Variants in NAA40 observed in about 807,000 individuals in gnomAD.
NAA40 encodes N-alpha-acetyltransferase 40.
NAA40 carries 26 observed loss-of-function variants against 36.6 expected under a neutral mutation model. The ratio of observed to expected loss-of-function variants is 0.71; its 90% CI spans 0.52 to 0.98. The LOEUF (loss-of-function observed/expected upper bound fraction) is 0.98, where lower values mean the gene tolerates loss of function less well. NAA40 is among the 50% of genes least tolerant of loss of function. The pLI is 0.00. For missense variants in NAA40, 237 were observed against 306.5 expected (o/e 0.77, Z 1.69); for synonymous variants, 129 against 108.4 (o/e 1.19, Z -1.18).
chr11:63,948,927 C>A (rs373150209), intron 3 of NAA40, among the ~76,000 whole-genome samples: 7 of 152,114 alleles, frequency 4.6e-5, no homozygotes, highest in African/African-American at 1.4e-4. Context: ...TACCTGTAAT[C>A]CCAGCACTTT....
intron 2 of NAA40, 72 bp downstream of exon 2, chr11:63,946,007 C>T (rs1942180150): frequency 1.4e-6 from 2 of 1,407,564 alleles, no homozygotes; most frequent in East Asian, 2.3e-5. Context: ...CTTATTTTGT[C>T]TCCACCCTGT....
chr11:63,952,894 A>T, intron 6 of NAA40, 55 bp downstream of exon 6: 1 of 1,473,460 alleles, frequency 6.8e-7, no homozygotes, highest in African/African-American at 1.4e-5. Context: ...AGGAGCTGTC[A>T]CTGAGGCACT....
Position 63,939,045 on chromosome 11 carries a change from C to G in NAA40, c.-52C>G. 1 of 1,598,386 alleles carries G rather than the reference C, an allele frequency of 6.3e-7. No individual in the cohort carries two copies. The highest frequency in any genetic ancestry group is 1.1e-5 in the South Asian group (1 of 90,560). On this transcript the variant is annotated 5_prime_UTR_variant, in exon 1 of 8. Transcript: ENST00000377793. Reference sequence around the variant, plus strand: ...GCTGTTGCAGCCACCGCCGTTGCCGCCTCCCTGCCGGCAAGTGTGTGAAGA... The same window carrying G: ...GCTGTTGCAGCCACCGCCGTTGCCGGCTCCCTGCCGGCAAGTGTGTGAAGA...
In NAA40 at chr11:63,946,523, C is replaced by T. The variant is rs556388709; in HGVS notation, c.103-428C>T. 134 of 1,143,296 alleles carry T rather than the reference C, an allele frequency of 1.2e-4. No homozygotes were observed. In the African/African-American group the frequency reaches 2.1e-3, roughly 18 times the overall value. The allele number at this position is 1,143,296 out of a possible 1,614,324, so 70.8% of individuals were successfully genotyped here. Reference sequence around the variant, plus strand: ...CCCAGCCCCTGCCTCCATTTAGTATCCCATTTTTTGGTCATTCTTTTAACC... The same window carrying T: ...CCCAGCCCCTGCCTCCATTTAGTATTCCATTTTTTGGTCATTCTTTTAACC... On this transcript the variant is annotated intron_variant, in intron 2 of 7. Transcript: ENST00000377793.
chr11:63,953,384 G>A (rs1396649428), intron 6 of NAA40, among the ~76,000 whole-genome samples: 1 of 152,138 alleles, frequency 6.6e-6, no homozygotes, highest in African/African-American at 2.4e-5. Flanking sequence ...GCCACCTTCT[G>A]TACCGAAGTA....
At chr11:63,953,357 T>C (rs1735937068) in intron 6 of NAA40, among the ~76,000 whole-genome samples, 1 of 152,102 alleles carries the variant, frequency 6.6e-6, no homozygotes, top group Non-Finnish European at 1.5e-5. Context: ...TGAGCATCTT[T>C]TGAGTTTCTA....
At chr11:63,944,902 C>CAAA (rs113133922) in intron 1 of NAA40, among the ~76,000 whole-genome samples, 4,698 of 125,902 alleles carry the variant, frequency 0.037, 124 homozygotes, top group Middle Eastern at 0.078. Context: ...GACTCCATCT[C>CAAA]AAAAAAAAAA....
intron 1 of NAA40, among the ~76,000 whole-genome samples, chr11:63,945,634 A>G (rs1942174372): frequency 6.6e-6 from 1 of 152,098 alleles, no homozygotes; most frequent in Admixed American, 6.5e-5. Context: ...AGGGAAGCTG[A>G]GAAGTCTGGT....
chr11:63,946,602 A>T, intron 2 of NAA40: 1 of 1,267,302 alleles, frequency 7.9e-7, no homozygotes. Context: ...TTGATTTTCC[A>T]TTTGGAGTTG....
chr11:63,950,192 C>T (rs1942256924), intron 3 of NAA40, among the ~76,000 whole-genome samples: 1 of 149,856 alleles, frequency 6.7e-6, no homozygotes, highest in African/African-American at 2.5e-5. Flanking sequence ...GATCTCGGCT[C>T]ACTGCAGCCT....
Position 63,946,977 on chromosome 11 carries a change from A to G in NAA40, c.129A>G (p.Pro43=). The G allele has an allele frequency of 1.2e-6, 2 of 1,614,156 alleles. No homozygotes were observed. Among genetic ancestry groups the G allele is most frequent in the Non-Finnish European group, 1.7e-6 (2 of 1,180,006 alleles). Residue 43 remains proline (P), a synonymous_variant, in exon 3 of 8, where the codon CCA becomes CCG. Transcript: ENST00000377793. ...NRLGDPLEAF[P]VFKKYDRNGL... ...TTGGAGACCCTCTGGAGGCTTTCCC[A>G]GTGTTCAAGAAATATGATAGAAACG...
intron 3 of NAA40, 31 bp from the exon 4 acceptor site, chr11:63,952,207 C>A: frequency 1.3e-6 from 2 of 1,544,092 alleles, no homozygotes; most frequent in Middle Eastern, 1.7e-4. Context: ...GTGCTGTAAC[C>A]AATTCCGTAC....
In NAA40 at chr11:63,952,568, A is replaced by G. The variant is rs1374054642; in HGVS notation, c.410+3A>G. 6.2e-7 allele frequency: 1 copy of G among 1,613,550 alleles called. No homozygotes were observed. Reference sequence around the variant, plus strand: ...TGTGGGGATGAAGTCCTGTACTGGTAGGAGCCATGGCTTGGGGGAGGTAGG... The same window carrying G: ...TGTGGGGATGAAGTCCTGTACTGGTGGGAGCCATGGCTTGGGGGAGGTAGG... On this transcript the variant is annotated splice_donor_region_variant and intron_variant, in intron 5 of 7. Coordinates refer to ENST00000377793, the MANE Select transcript of NAA40 (RefSeq NM_024771.4).
chr11:63,952,268 G>A lies in NAA40; in HGVS notation c.186G>A (p.Val62=). The A allele has an allele frequency of 6.2e-7, 1 of 1,613,484 alleles. No individual in the cohort carries two copies. Among genetic ancestry groups the A allele is most frequent in the Non-Finnish European group, 8.5e-7 (1 of 1,179,680 alleles). The change falls in exon 4 of 8, where the codon GTG becomes GTA. Residue 62 remains valine (V), a synonymous_variant. Transcript: ENST00000377793. ...GLNVSIECKR[V]SGLEPATVDW... is the part of the protein sequence containing the mutation. ...ATGTCTCCATTGAATGTAAGCGAGTGTCTGGACTGGAGCCAGCCACCGTGG... is the reference window on the plus strand; with the variant it reads ...ATGTCTCCATTGAATGTAAGCGAGTATCTGGACTGGAGCCAGCCACCGTGG...
At chr11:63,952,635 G>C (rs1247165602) in intron 5 of NAA40, 70 bp downstream of exon 5, 30 of 1,605,342 alleles carry the variant, frequency 1.9e-5, no homozygotes, top group Non-Finnish European at 2.4e-5. Flanking sequence ...CCAGCCAGGT[G>C]ACAAAGCCCC....
Position 63,954,614 on chromosome 11 carries a change from C to A in NAA40, c.*135C>A. The A allele has an allele frequency of 4.0e-6, 4 of 1,001,478 alleles. 1 individual carries two copies. The South Asian group carries it at 8.5e-5, about 21-fold the overall frequency. 62.0% of individuals were successfully genotyped at this position (1,001,478 alleles called of 1,614,324 possible). ...CGTGCCAGGCTGCGCCCTGAGAGCA[C>A]AGAACCCTGGGGAGAAGTGGTATCA... is the stretch of plus-strand genomic sequence containing the variant. On this transcript the variant is annotated 3_prime_UTR_variant, in exon 8 of 8. Coordinates refer to ENST00000377793, the MANE Select transcript of NAA40 (RefSeq NM_024771.4).
intron 7 of NAA40, 100 bp from the exon 8 acceptor site, chr11:63,954,238 C>T (rs1254148364): frequency 1.3e-5 from 19 of 1,476,104 alleles, no homozygotes. Flanking sequence ...CACCCTCATC[C>T]TAAGGGTCTC....
At chr11:63,940,111 C>T (rs993488314) in intron 1 of NAA40, among the ~76,000 whole-genome samples, 3 of 133,340 alleles carry the variant, frequency 2.2e-5, no homozygotes, top group Admixed American at 1.9e-4. Flanking sequence ...AGTGCAATGG[C>T]GCGATCTCGG....
intron 3 of NAA40, among the ~76,000 whole-genome samples, chr11:63,951,686 T>C (rs1281752213): frequency 6.6e-6 from 1 of 152,106 alleles, no homozygotes; most frequent in Admixed American, 6.6e-5. Flanking sequence ...CCTGCTCAGA[T>C]GAGGCAGGCA....
Sources: allele counts gnomAD v4.1 joint callset (sites outside exome capture counted in the v4.1 genomes callset), GRCh38; gene constraint gnomAD v4.1.1; transcripts MANE v1.5; gene names NCBI Gene and HGNC (gene_info 2026-07-23, HGNC 2026-07-21).